The following RNF150 variants were observed in gnomAD, a reference collection of about 807,000 sequenced individuals.
The protein encoded by RNF150 is ring finger protein 150.
RNF150 carries 24 observed loss-of-function variants against 39.3 expected under a neutral mutation model. The observed-to-expected ratio is 0.61, with a 90% CI of 0.44 to 0.86. The LOEUF is 0.86. Among genes scored for constraint, RNF150 ranks in the 40% least tolerant of loss-of-function variants. RNF150 has a pLI of 0.00. For missense variants in RNF150, 502 were observed against 587.8 expected, an observed-to-expected ratio of 0.85 and a Z score of 1.51; for synonymous variants, 255 against 227.3, an observed-to-expected ratio of 1.12 and a Z score of -1.10.
intron 1 of RNF150, among the ~76,000 whole-genome samples, chr4:141,049,038 G>A (rs12650097): frequency 0.21 from 31,565 of 152,108 alleles, 3,354 homozygotes; most frequent in Middle Eastern, 0.29. Context: ...CCTATTCTGA[G>A]CAGCCAGTAT....
intron 1 of RNF150, among the ~76,000 whole-genome samples, chr4:141,032,804 T>A (rs1305416491): frequency 6.6e-6 from 1 of 152,202 alleles, no homozygotes; most frequent in East Asian, 1.9e-4. Flanking sequence ...ATAAAATGTA[T>A]GTTTACACTA....
At position 140,863,998 on chromosome 4, in the gene RNF150, G is replaced by A. The variant is rs1728600489; in HGVS notation, c.*4263C>T. 1 of 152,196 alleles carries A rather than the reference G, an allele frequency of 6.6e-6. No individual in the cohort carries two copies. Among genetic ancestry groups the A allele is most frequent in the Non-Finnish European group, 1.5e-5 (1 of 68,034 alleles). The allele number at this position is 152,196 out of a possible 1,614,324, so 9.4% of individuals were successfully genotyped here. A position where few individuals can be genotyped will look rare whatever the true frequency, so the allele number is the denominator to read the frequency against. ...GTTTTGAGAGTATGGTAGCCTCAGG[G>A]ATGTCAGGGCAGTAACTGAAATGGC... On this transcript the variant is annotated 3_prime_UTR_variant, in exon 7 of 7. Transcript: ENST00000515673.
At chr4:141,046,708 G>A (rs1270610127) in intron 1 of RNF150, among the ~76,000 whole-genome samples, 2 of 152,130 alleles carry the variant, frequency 1.3e-5, no homozygotes, top group East Asian at 1.9e-4. Flanking sequence ...CATCATGCTC[G>A]ATTTTCTCCA....
At chr4:140,924,884 GA>G (rs916213296) in intron 5 of RNF150, among the ~76,000 whole-genome samples, 3 of 152,204 alleles carry the variant, frequency 2.0e-5, no homozygotes, top group Admixed American at 2.0e-4. Context: ...GCACAGGGTA[GA>G]AAGTTCAGCC....
At chr4:140,951,495 C>A (rs1732537856) in intron 2 of RNF150, among the ~76,000 whole-genome samples, 1 of 151,286 alleles carries the variant, frequency 6.6e-6, no homozygotes, top group East Asian at 1.9e-4. Flanking sequence ...AGTGAAAACT[C>A]TAAATAATGA....
At chr4:140,971,992 T>C (rs1733483946) in intron 1 of RNF150, among the ~76,000 whole-genome samples, 1 of 151,984 alleles carries the variant, frequency 6.6e-6, no homozygotes, top group Non-Finnish European at 1.5e-5. Flanking sequence ...TTTACTTCAA[T>C]CTCAGTCTCA....
chr4:140,889,094 G>A (rs988140585), intron 6 of RNF150, among the ~76,000 whole-genome samples: 14 of 151,862 alleles, frequency 9.2e-5, no homozygotes, highest in South Asian at 2.1e-4. Flanking sequence ...TGTTGCCCAG[G>A]GTGGTCTGAA....
At chr4:141,019,843 C>T (rs191426226) in intron 1 of RNF150, among the ~76,000 whole-genome samples, 34 of 152,266 alleles carry the variant, frequency 2.2e-4, no homozygotes, top group African/African-American at 5.3e-4. Flanking sequence ...GCTTTAAACA[C>T]GTAAACATAG....
chr4:140,921,188 A>G (rs1731119046), intron 5 of RNF150, among the ~76,000 whole-genome samples: 1 of 150,732 alleles, frequency 6.6e-6, no homozygotes. Context: ...AATAATAATA[A>G]TAATAATAAT....
At chr4:140,919,845 A>G (rs1731029265) in intron 5 of RNF150, among the ~76,000 whole-genome samples, 1 of 152,154 alleles carries the variant, frequency 6.6e-6, no homozygotes, top group South Asian at 2.1e-4. Context: ...AGAGATATAG[A>G]TCAATGGAAC....
chr4:141,054,008 T>C (rs967109170), intron 1 of RNF150, among the ~76,000 whole-genome samples: 6 of 152,168 alleles, frequency 3.9e-5, no homozygotes, highest in Non-Finnish European at 8.8e-5. Context: ...AATCACATAA[T>C]AACATCTAAG....
intron 1 of RNF150, among the ~76,000 whole-genome samples, chr4:141,074,426 A>G (rs967840475): frequency 4.6e-5 from 7 of 152,004 alleles, no homozygotes; most frequent in African/African-American, 1.7e-4. Context: ...GGTCATAACT[A>G]AAAATAGAAA....
At chr4:141,008,090 T>C (rs767168998) in intron 1 of RNF150, among the ~76,000 whole-genome samples, 2 of 152,214 alleles carry the variant, frequency 1.3e-5, no homozygotes, top group African/African-American at 4.8e-5. Flanking sequence ...ATCCATTAGG[T>C]TGGCTCTCCT....
At chr4:140,906,813 G>A (rs1423623878) in intron 6 of RNF150, among the ~76,000 whole-genome samples, 1 of 152,092 alleles carries the variant, frequency 6.6e-6, no homozygotes, top group Admixed American at 6.5e-5. Flanking sequence ...GCCAAGAGTT[G>A]GTTCCCTCTA....
chr4:141,114,261 A>AG (rs2111068939), intron 1 of RNF150, among the ~76,000 whole-genome samples: 1 of 152,288 alleles, frequency 6.6e-6, no homozygotes, highest in South Asian at 2.1e-4. Flanking sequence ...ATAGACCACT[A>AG]GCCAGACTAA....
chr4:141,194,547 G>GA (rs888570532), intron 1 of RNF150, among the ~76,000 whole-genome samples: 3 of 151,958 alleles, frequency 2.0e-5, no homozygotes, highest in Non-Finnish European at 4.4e-5. Flanking sequence ...AGGTTGATTT[G>GA]AAAAAAATAC....
At position 140,864,452 on chromosome 4, in the gene RNF150, G is replaced by GACT. The variant is rs1728622193; in HGVS notation, c.*3808_*3809insAGT. 1 of 152,290 alleles carries GACT rather than the reference G, an allele frequency of 6.6e-6. No homozygotes were observed. The highest frequency in any genetic ancestry group is 1.5e-5 in the Non-Finnish European group (1 of 68,116). 9.4% of individuals were successfully genotyped at this position (152,290 alleles called of 1,614,324 possible). ...TCCTTTTCTTCCCCATAGCATTGGGGTGGCAGGTGGATGCTGACTTGGAGT... is the reference window on the plus strand; with the variant it reads ...TCCTTTTCTTCCCCATAGCATTGGGGACTTGGCAGGTGGATGCTGACTTGGAGT... On this transcript the variant is annotated 3_prime_UTR_variant, in exon 7 of 7. Coordinates refer to ENST00000515673, the MANE Select transcript of RNF150 (RefSeq NM_020724.2).
chr4:141,021,667 T>C (rs1735496419), intron 1 of RNF150, among the ~76,000 whole-genome samples: 1 of 152,198 alleles, frequency 6.6e-6, no homozygotes. Context: ...ATAATTCCAC[T>C]TCAAAGTTAG....
chr4:141,109,855 A>T (rs1283531126), intron 1 of RNF150, among the ~76,000 whole-genome samples: 1 of 152,172 alleles, frequency 6.6e-6, no homozygotes, highest in African/African-American at 2.4e-5. Context: ...AAATACAGTA[A>T]AGTGAATCCT....
Sources: gnomAD v4.1 joint callset for allele counts (sites outside exome capture counted in the v4.1 genomes callset) on GRCh38, gnomAD v4.1.1 for gene constraint, MANE v1.5 for transcripts, NCBI Gene and HGNC (gene_info 2026-07-23, HGNC 2026-07-21) for gene names.